The following DYNC1LI2 variants were observed in gnomAD, a reference collection of about 807,000 sequenced individuals.
DYNC1LI2 encodes the protein cytoplasmic dynein 1 light intermediate chain 2.
A neutral mutation model predicts 57.8 loss-of-function variants in DYNC1LI2; 19 were observed. That is an observed-to-expected ratio of 0.33 (90% CI 0.23 to 0.48). The LOEUF (loss-of-function observed/expected upper bound fraction) is 0.48. DYNC1LI2 is among the 20% of genes least tolerant of loss of function. The pLI, the probability that DYNC1LI2 is intolerant of heterozygous loss-of-function variation, is 0.99. For synonymous variants in DYNC1LI2, 256 were observed against 233.4 expected (o/e 1.10, Z -0.88); for missense variants, 470 against 604.2 (o/e 0.78, Z 2.33).
At chr16:66,738,912 CA>C (rs2017788690) in intron 4 of DYNC1LI2, 1 of 150,224 alleles carries the variant, frequency 6.7e-6, no homozygotes, top group Admixed American at 6.7e-5. Flanking sequence ...CACACACACA[CA>C]CACACACACA....
At chr16:66,734,162 T>A in intron 6 of DYNC1LI2, 56 bp downstream of exon 6, 2 of 1,547,868 alleles carry the variant, frequency 1.3e-6, no homozygotes, top group South Asian at 2.3e-5. Flanking sequence ...TCTTTGAAGA[T>A]GCCCCATTTG....
rs530564381 is a variant in DYNC1LI2, at chr16:66,734,441, T to C, written c.700-130A>G. On this transcript the variant is annotated intron_variant, in intron 5 of 12. Transcript: ENST00000258198. The stretch of plus-strand genomic sequence containing the variant: ...CACAGCTCAGGGTCCAAGCATTAAT[T>C]AGAGAAGAGTAAAAAAGAACCGGAG... 1.1e-4 allele frequency: 90 copies of C among 829,172 alleles called. No individual in the cohort carries two copies. In the African/African-American group the frequency reaches 1.1e-3, roughly 10 times the overall value. The allele number at this position is 829,172 out of a possible 1,614,324, so 51.4% of individuals were successfully genotyped here. A position where few individuals can be genotyped will look rare whatever the true frequency, so the allele number is the denominator to read the frequency against.
chr16:66,749,425 T>C (rs2018000517), intron 2 of DYNC1LI2, 112 bp from the exon 3 acceptor site: 15 of 1,075,166 alleles, frequency 1.4e-5, no homozygotes, highest in East Asian at 2.4e-5. Context: ...AAGTCTGCTG[T>C]TGAAGTCTCA....
chr16:66,728,203 A>G lies in DYNC1LI2; in HGVS notation c.1141T>C (p.Ser381Pro). The G allele has an allele frequency of 6.2e-7, 1 of 1,614,142 alleles. No homozygotes were observed. Residue 381 changes from serine to proline, a missense_variant and splice_region_variant, in exon 10 of 13, where the codon TCT (serine) becomes CCT (proline). Physicochemically the swap from Ser to Pro is moderately conservative, Grantham distance 74. Transcript: ENST00000258198. ...TCTGTTTAGTGTAAGGTACTCACAG[A>G]AGCTCTCGTGGGAGTGGCTGGTTGC... is the stretch of plus-strand genomic sequence containing the variant. ...AKQPATPTRA[S>P]ESPARGPSGS...
intron 10 of DYNC1LI2, 67 bp from the exon 11 acceptor site, chr16:66,727,872 T>C (rs2144970064): frequency 7.4e-7 from 1 of 1,345,902 alleles, no homozygotes. Context: ...ATGCCACAAA[T>C]GGAGACATGC....
At chr16:66,749,452 A>T (rs1371350875) in intron 2 of DYNC1LI2, 139 bp from the exon 3 acceptor site, 1 of 851,346 alleles carries the variant, frequency 1.2e-6, no homozygotes, top group East Asian at 2.5e-5. Context: ...TTCATAAACA[A>T]AGGACTTTGC....
chr16:66,728,970 C>A, intron 9 of DYNC1LI2, 70 bp downstream of exon 9: 1 of 1,562,632 alleles, frequency 6.4e-7, no homozygotes, highest in East Asian at 2.2e-5. Flanking sequence ...CAGACACCCC[C>A]AACCCCACCC....
At chr16:66,728,169 C>G in intron 10 of DYNC1LI2, 32 bp downstream of exon 10, 1 of 1,613,832 alleles carries the variant, frequency 6.2e-7, no homozygotes. Flanking sequence ...CAACACTGGG[C>G]CTTGACCCTC....
At chr16:66,739,609 T>G (rs1038574835) in intron 4 of DYNC1LI2, among the ~76,000 whole-genome samples, 1 of 152,084 alleles carries the variant, frequency 6.6e-6, no homozygotes, top group Non-Finnish European at 1.5e-5. Context: ...TAAATTTTTT[T>G]AGAGACAGGG....
At chr16:66,732,132 G>A (rs1264940935) in intron 7 of DYNC1LI2, 17 of 571,390 alleles carry the variant, frequency 3.0e-5, no homozygotes, top group African/African-American at 5.8e-5. Context: ...ACTTGCTCTC[G>A]AGGAAGAAAG....
intron 4 of DYNC1LI2, among the ~76,000 whole-genome samples, chr16:66,737,490 C>CA (rs754336347): frequency 0.014 from 805 of 57,616 alleles, 30 homozygotes; most frequent in East Asian, 0.071. Flanking sequence ...GACTCCGTCT[C>CA]AAAAAAAAAA....
At chr16:66,723,871 A>C in intron 12 of DYNC1LI2, 49 bp from the exon 13 acceptor site, 2 of 1,515,792 alleles carry the variant, frequency 1.3e-6, no homozygotes, top group African/African-American at 1.4e-5. Flanking sequence ...TGAGAAGAGG[A>C]AACAATTTTT....
At chr16:66,750,981 C>T (rs2018036770) in intron 2 of DYNC1LI2, among the ~76,000 whole-genome samples, 1 of 152,244 alleles carries the variant, frequency 6.6e-6, no homozygotes, top group African/African-American at 2.4e-5. Flanking sequence ...AGCTTCCCCT[C>T]TCCACGACCT....
At chr16:66,746,397 A>G (rs1463055246) in intron 3 of DYNC1LI2, among the ~76,000 whole-genome samples, 2 of 152,186 alleles carry the variant, frequency 1.3e-5, no homozygotes, top group African/African-American at 2.4e-5. Context: ...GTGTATATTT[A>G]TAACTCAATC....
At position 66,737,172 on chromosome 16, in the gene DYNC1LI2, G is replaced by T. The variant is rs138559425; in HGVS notation, c.530-928C>A. 9.5e-4 allele frequency among the ~76,000 whole-genome samples: 144 copies of T among 152,244 alleles called. 3 individuals are homozygous for T. The East Asian group carries it at 0.023, about 25-fold the overall frequency. On this transcript the variant is annotated intron_variant, in intron 4 of 12. Coordinates refer to ENST00000258198, the MANE Select transcript of DYNC1LI2 (RefSeq NM_006141.3). ...TGTAGTCCCAGCTACTTGGGGACTC[G>T]TGCTAAGGCATGAGAATCGCCTAAA...
At chr16:66,734,395 T>C (rs2017693570) in intron 5 of DYNC1LI2, 84 bp from the exon 6 acceptor site, 1 of 1,342,556 alleles carries the variant, frequency 7.4e-7, no homozygotes, top group Middle Eastern at 1.9e-4. Flanking sequence ...AATAAAGTAT[T>C]GTGGCTCCAA....
intron 12 of DYNC1LI2, 79 bp downstream of exon 12, chr16:66,725,749 G>T: frequency 7.1e-7 from 1 of 1,417,808 alleles, no homozygotes; most frequent in Non-Finnish European, 9.7e-7. Context: ...TGCAGGGTCT[G>T]CAGGGCAGGT....
At chr16:66,734,396 G>A in intron 5 of DYNC1LI2, 85 bp from the exon 6 acceptor site, 1 of 1,336,610 alleles carries the variant, frequency 7.5e-7, no homozygotes, top group Non-Finnish European at 1.1e-6. Flanking sequence ...ATAAAGTATT[G>A]TGGCTCCAAA....
At position 66,723,063 on chromosome 16, in the gene DYNC1LI2, C is replaced by T. The variant is rs2017475990; in HGVS notation, c.*659G>A. ...CCACCCCTGGGTCAGCTCCGCCTGA[C>T]TCAGGCACCCCCACAATTAGTACAT... On this transcript the variant is annotated 3_prime_UTR_variant, in exon 13 of 13. Coordinates refer to ENST00000258198, the MANE Select transcript of DYNC1LI2 (RefSeq NM_006141.3). 3.0e-6 allele frequency: 1 copy of T among 334,812 alleles called. No individual in the cohort carries two copies. The highest frequency in any genetic ancestry group is 2.2e-5 in the African/African-American group (1 of 46,468). 20.7% of individuals were successfully genotyped at this position (334,812 alleles called of 1,614,324 possible).
Sources: allele counts gnomAD v4.1 joint callset (sites outside exome capture counted in the v4.1 genomes callset), GRCh38; gene constraint gnomAD v4.1.1; transcripts MANE v1.5; gene names NCBI Gene and HGNC (gene_info 2026-07-23, HGNC 2026-07-21).